Variants in SANBR observed in about 807,000 individuals in gnomAD.
SANBR encodes SANT and BTB domain regulator of class switch recombination.
A neutral mutation model predicts 101.8 loss-of-function variants in SANBR; 77 were observed. The observed-to-expected ratio is 0.76, with a 90% CI of 0.63 to 0.91. The LOEUF is 0.91. SANBR is among the 40% of genes least tolerant of loss of function. SANBR has a pLI of 0.00. For missense variants in SANBR, 875 were observed against 853.0 expected (o/e 1.03, Z -0.32); for synonymous variants, 279 against 274.7 (o/e 1.02, Z -0.15).
At chr2:61,071,432 C>A (rs188344464) in intron 3 of SANBR, among the ~76,000 whole-genome samples, 174 bp from the exon 4 acceptor site, 2 of 152,120 alleles carry the variant, frequency 1.3e-5, no homozygotes, top group African/African-American at 4.8e-5. Flanking sequence ...CACCTGTAAT[C>A]CCAGCTACTC....
At chr2:61,099,805 G>A (rs921925515) in intron 12 of SANBR, among the ~76,000 whole-genome samples, 1 of 152,162 alleles carries the variant, frequency 6.6e-6, no homozygotes, top group Admixed American at 6.5e-5. Context: ...TGAGAATGTT[G>A]CCATGAAAGT....
At chr2:61,066,122 G>T (rs1317045294) in intron 1 of SANBR, 95 bp downstream of exon 1, 2 of 152,178 alleles carry the variant, frequency 1.3e-5, no homozygotes, top group East Asian at 3.9e-4. Context: ...TCCCGCCGCG[G>T]CTTCCCACCC....
At chr2:61,095,436 C>G (rs1682986215) in intron 11 of SANBR, among the ~76,000 whole-genome samples, 2 of 151,930 alleles carry the variant, frequency 1.3e-5, no homozygotes, top group South Asian at 4.1e-4. Context: ...AACTAACAAC[C>G]AAAAATTCTG....
intron 13 of SANBR, among the ~76,000 whole-genome samples, chr2:61,105,447 A>C (rs76578412): frequency 5.9e-4 from 89 of 151,146 alleles, no homozygotes; most frequent in Admixed American, 8.5e-4. Flanking sequence ...GCTCACTGCA[A>C]CCTCTGCCTC....
chr2:61,133,543 A>C (rs898994923), intron 20 of SANBR, among the ~76,000 whole-genome samples: 2 of 152,132 alleles, frequency 1.3e-5, no homozygotes, highest in South Asian at 4.2e-4. Flanking sequence ...GCTTGAGCCC[A>C]GGAGTTCAAG....
chr2:61,112,789 G>C (rs1007667285), intron 16 of SANBR, among the ~76,000 whole-genome samples: 4 of 152,108 alleles, frequency 2.6e-5, no homozygotes, highest in Non-Finnish European at 5.9e-5. Flanking sequence ...CACCTCACCA[G>C]GCCTAATTTT....
rs1480050415 is a variant in SANBR at position 61,123,629 on chromosome 2, AT to A, written c.*1470del. The stretch of plus-strand genomic sequence containing the variant: ...TGTGTTTTCTGATTAAAGGATTTGG[AT>A]TTGTACATGTAAACAGTGCTGTAAT... On this transcript the variant is annotated 3_prime_UTR_variant, in exon 22 of 22. Coordinates refer to ENST00000402291, the MANE Select transcript of SANBR (RefSeq NM_001129993.3). 23 of 985,166 alleles carry A rather than the reference AT, an allele frequency of 2.3e-5. No individual in the cohort carries two copies. Among genetic ancestry groups the A allele is most frequent in the Non-Finnish European group, 2.4e-5 (20 of 829,700 alleles). 61.0% of individuals were successfully genotyped at this position (985,166 alleles called of 1,614,324 possible).
At chr2:61,114,819 C>G (rs1048395189) in intron 16 of SANBR, among the ~76,000 whole-genome samples, 1 of 152,108 alleles carries the variant, frequency 6.6e-6, no homozygotes, top group African/African-American at 2.4e-5. Flanking sequence ...CCATGCCCAG[C>G]TAATCTTTAA....
chr2:61,136,948 C>T (rs1479554048), intron 21 of SANBR, among the ~76,000 whole-genome samples: 1 of 151,512 alleles, frequency 6.6e-6, no homozygotes, highest in African/African-American at 2.4e-5. Context: ...CCAGCCTGTG[C>T]GACAGAATGA....
intron 21 of SANBR, among the ~76,000 whole-genome samples, chr2:61,136,373 G>C (rs960004159): frequency 2.0e-5 from 3 of 151,714 alleles, no homozygotes; most frequent in Non-Finnish European, 4.4e-5. Flanking sequence ...AGTGGCTCAC[G>C]CCTGTAATCC....
chr2:61,066,196 G>A, intron 1 of SANBR, 169 bp downstream of exon 1: 1 of 152,698 alleles, frequency 6.5e-6, no homozygotes, highest in Non-Finnish European at 1.5e-5. Context: ...AGCCGGCCGC[G>A]CCTCGAGCAG....
chr2:61,130,377 TC>T (rs1684650220), intron 20 of SANBR, among the ~76,000 whole-genome samples: 1 of 152,226 alleles, frequency 6.6e-6, no homozygotes, highest in African/African-American at 2.4e-5. Context: ...TATGAATAGT[TC>T]TATAACAACT....
In SANBR at chr2:61,075,821, T is replaced by C. The variant is rs75335219; in HGVS notation, c.432-1099T>C. ...ATTCATTTGATTCTTTAGTGAAGAA[T>C]TATAGCTATTTTTCCTTTTTAAAAA... On this transcript the variant is annotated intron_variant, in intron 5 of 21. Transcript: ENST00000402291. Among the ~76,000 whole-genome samples the C allele has an allele frequency of 3.6e-4, 55 of 152,048 alleles. No individual in the cohort carries two copies. In the East Asian group the frequency reaches 0.011, roughly 29 times the overall value.
At position 61,123,446 on chromosome 2, in the gene SANBR, G is replaced by C; in HGVS notation, c.*1284G>C. 2.0e-6 allele frequency: 2 copies of C among 984,288 alleles called. No individual in the cohort carries two copies. The highest frequency in any genetic ancestry group is 1.7e-5 in the African/African-American group (1 of 57,312). 61.0% of individuals were successfully genotyped at this position (984,288 alleles called of 1,614,324 possible). On this transcript the variant is annotated 3_prime_UTR_variant, in exon 22 of 22. Transcript: ENST00000402291. The stretch of plus-strand genomic sequence containing the variant: ...GTTATTTGATAACTGGCTTTGCCAA[G>C]GTTTTTGAACTGCTGTTTAGAAATT...
intron 9 of SANBR, 26 bp downstream of exon 9, chr2:61,088,271 G>A: frequency 3.2e-6 from 5 of 1,580,240 alleles, no homozygotes; most frequent in Non-Finnish European, 3.4e-6. Flanking sequence ...TTTTTCTTTG[G>A]TGTACTTTAT....
At chr2:61,088,520 G>T (rs1349575163) in intron 10 of SANBR, 52 bp downstream of exon 10, 1 of 946,318 alleles carries the variant, frequency 1.1e-6, no homozygotes, top group South Asian at 2.2e-5. Flanking sequence ...TATATATATA[G>T]TTGTTGTTGT....
At chr2:61,079,012 C>T (rs185074183) in intron 6 of SANBR, among the ~76,000 whole-genome samples, 1 of 151,928 alleles carries the variant, frequency 6.6e-6, no homozygotes, top group Non-Finnish European at 1.5e-5. Context: ...GCATTCCAGC[C>T]TGGGTGACAG....
intron 16 of SANBR, among the ~76,000 whole-genome samples, chr2:61,111,740 C>A (rs904454864): frequency 6.6e-5 from 10 of 152,190 alleles, no homozygotes; most frequent in African/African-American, 1.9e-4. Flanking sequence ...TCTCAGGCAA[C>A]CATGAATCTG....
At chr2:61,109,093 CTTGA>C in intron 15 of SANBR, 100 bp from the exon 16 acceptor site, 3 of 529,584 alleles carry the variant, frequency 5.7e-6, no homozygotes, top group Non-Finnish European at 9.6e-6. Flanking sequence ...TTTATCAGCT[CTTGA>C]TTGACTGATT....
Sources: allele counts gnomAD v4.1 joint callset (sites outside exome capture counted in the v4.1 genomes callset), GRCh38; gene constraint gnomAD v4.1.1; transcripts MANE v1.5; gene names NCBI Gene and HGNC (gene_info 2026-07-23, HGNC 2026-07-21).